The following PLXNA4 variants were observed in gnomAD, a reference collection of about 807,000 sequenced individuals.
PLXNA4 encodes the protein plexin A4, also known as plexin-A4.
A neutral mutation model predicts 191.8 loss-of-function variants in PLXNA4; 44 were observed. That is an observed-to-expected ratio of 0.23 (90% confidence interval 0.18 to 0.29). The LOEUF (loss-of-function observed/expected upper bound fraction) is 0.29, where lower values mean the gene tolerates loss of function less well. PLXNA4 is among the 10% of genes least tolerant of loss of function. PLXNA4 has a pLI of 1.00. For synonymous variants in PLXNA4, 1,082 were observed against 1,009.5 expected, an observed-to-expected ratio of 1.07 and a Z score of -1.36; for missense variants, 1,800 against 2,488.8, an observed-to-expected ratio of 0.72 and a Z score of 5.89.
intron 3 of PLXNA4, among the ~76,000 whole-genome samples, chr7:132,322,150 A>C (rs1032098043): frequency 6.7e-6 from 1 of 148,860 alleles, no homozygotes; most frequent in East Asian, 2.0e-4. Flanking sequence ...GAAACCAGGT[A>C]GACCAAGGCT....
chr7:132,563,167 T>C (rs1585349217), intron 1 of PLXNA4, among the ~76,000 whole-genome samples: 2 of 66,030 alleles, frequency 3.0e-5, no homozygotes, highest in African/African-American at 1.0e-4. Flanking sequence ...CTCCTCCTCC[T>C]TCTCCTCCTC....
At chr7:132,569,356 A>G (rs1801873939) in intron 1 of PLXNA4, among the ~76,000 whole-genome samples, 1 of 152,196 alleles carries the variant, frequency 6.6e-6, no homozygotes, top group Admixed American at 6.5e-5. Flanking sequence ...AAGTCATAAC[A>G]CATAGCTTCT....
intron 3 of PLXNA4, among the ~76,000 whole-genome samples, chr7:132,350,162 T>G (rs977719630): frequency 3.9e-5 from 6 of 152,156 alleles, no homozygotes; most frequent in African/African-American, 1.4e-4. Context: ...TAAATTCTGT[T>G]CACAAGTTAA....
intron 3 of PLXNA4, among the ~76,000 whole-genome samples, chr7:132,385,726 G>A (rs985983221): frequency 1.3e-5 from 2 of 152,138 alleles, no homozygotes; most frequent in Admixed American, 6.6e-5. Context: ...GCACACACAC[G>A]CGTGCGCATG....
In PLXNA4 at chr7:132,477,050, T is replaced by C. The variant is rs1797157391; in HGVS notation, c.1371+12242A>G. Among the ~76,000 whole-genome samples the C allele has an allele frequency of 2.0e-5, 3 of 152,332 alleles. No homozygotes were observed. The South Asian group carries it at 6.2e-4, about 32-fold the overall frequency. On this transcript the variant is annotated intron_variant, in intron 3 of 31. Transcript: ENST00000321063. ...GATATAAAATCAGCCATATCCTATA[T>C]TTTTTGCACATCTTCTCCAATACTA...
intron 13 of PLXNA4, among the ~76,000 whole-genome samples, chr7:132,194,926 TATAA>T (rs1213583227): frequency 6.6e-6 from 1 of 151,872 alleles, no homozygotes; most frequent in East Asian, 1.9e-4. Context: ...AGACATAATA[TATAA>T]ATATATATGT....
rs757012734 is a variant in PLXNA4, at chr7:132,179,684, T to C, written c.3874+3A>G. On this transcript the variant is annotated splice_donor_region_variant and intron_variant, in intron 20 of 31. Coordinates refer to ENST00000321063, the MANE Select transcript of PLXNA4 (RefSeq NM_020911.2). The stretch of plus-strand genomic sequence containing the variant: ...TGGCCTCCAGCATGGGGCCACTCAG[T>C]ACCTTCCTTGCACTCCAGGGCCACA... 4 of 1,611,232 alleles carry C rather than the reference T, an allele frequency of 2.5e-6. No individual in the cohort carries two copies. The highest frequency in any genetic ancestry group is 2.5e-6 in the Non-Finnish European group (3 of 1,177,534).
At chr7:132,464,725 C>T (rs1221551847) in intron 3 of PLXNA4, among the ~76,000 whole-genome samples, 1 of 152,118 alleles carries the variant, frequency 6.6e-6, no homozygotes, top group Non-Finnish European at 1.5e-5. Flanking sequence ...ATCAACAAAA[C>T]GAAAATTACC....
chr7:132,271,609 T>A (rs1240639520), intron 4 of PLXNA4, among the ~76,000 whole-genome samples: 1 of 152,134 alleles, frequency 6.6e-6, no homozygotes, highest in African/African-American at 2.4e-5. Context: ...TAATCCATGT[T>A]GAATTTCTGA....
intron 16 of PLXNA4, among the ~76,000 whole-genome samples, chr7:132,184,675 C>CCAA (rs1251450203): frequency 6.6e-6 from 1 of 152,164 alleles, no homozygotes; most frequent in East Asian, 1.9e-4. Flanking sequence ...CCTTTCTATA[C>CCAA]CAACATTCAA....
chr7:132,354,004 CAT>C (rs1803596673), intron 3 of PLXNA4, among the ~76,000 whole-genome samples: 1 of 152,212 alleles, frequency 6.6e-6, no homozygotes, highest in Non-Finnish European at 1.5e-5. Context: ...ACCCCCAACA[CAT>C]GTCCTCATTG....
chr7:132,242,455 A>G (rs1798913825), intron 4 of PLXNA4, among the ~76,000 whole-genome samples: 1 of 152,208 alleles, frequency 6.6e-6, no homozygotes, highest in African/African-American at 2.4e-5. Flanking sequence ...GCAAACTGGC[A>G]CCAGAGCTTC....
chr7:132,293,336 G>A (rs1048147789), intron 4 of PLXNA4, among the ~76,000 whole-genome samples: 1 of 152,158 alleles, frequency 6.6e-6, no homozygotes, highest in African/African-American at 2.4e-5. Context: ...GGCTGGGGAG[G>A]CCTCACAATC....
intron 2 of PLXNA4, among the ~76,000 whole-genome samples, chr7:132,642,585 A>AG (rs1255135948): frequency 6.6e-6 from 1 of 151,994 alleles, no homozygotes. Context: ...AGGGCGAGGG[A>AG]GGGGGGAACG....
chr7:132,148,462 C>A, intron 26 of PLXNA4, 81 bp downstream of exon 26: 13 of 1,572,266 alleles, frequency 8.3e-6, no homozygotes, highest in Non-Finnish European at 1.1e-5. Context: ...TTGGTGTCTA[C>A]CCCTGTTATT....
At chr7:132,222,715 C>T (rs1798188102) in intron 9 of PLXNA4, among the ~76,000 whole-genome samples, 1 of 152,280 alleles carries the variant, frequency 6.6e-6, no homozygotes, top group South Asian at 2.1e-4. Context: ...TACCTGTTAT[C>T]CCAGAAGTCC....
chr7:132,358,715 C>T (rs1803810803), intron 3 of PLXNA4, among the ~76,000 whole-genome samples: 1 of 152,148 alleles, frequency 6.6e-6, no homozygotes, highest in Admixed American at 6.5e-5. Flanking sequence ...ACAACTTCTA[C>T]AAGTGAGTAT....
intron 3 of PLXNA4, among the ~76,000 whole-genome samples, chr7:132,420,046 G>T (rs956716): frequency 2.0e-5 from 3 of 152,058 alleles, no homozygotes; most frequent in Admixed American, 6.5e-5. Flanking sequence ...ATCAACCAAC[G>T]CTTGCAGCAT....
At chr7:132,164,054 C>A (rs1265784056) in intron 24 of PLXNA4, 88 bp downstream of exon 24, 9 of 1,564,612 alleles carry the variant, frequency 5.8e-6, no homozygotes, top group African/African-American at 5.4e-5. Flanking sequence ...GCTGTTCAGC[C>A]TTTCAGCCAT....
Sources: allele counts gnomAD v4.1 joint callset (sites outside exome capture counted in the v4.1 genomes callset), GRCh38; gene constraint gnomAD v4.1.1; transcripts MANE v1.5; gene names NCBI Gene and HGNC (gene_info 2026-07-23, HGNC 2026-07-21).